The following CNTN4 variants were observed in gnomAD, a reference collection of about 807,000 sequenced individuals.
CNTN4 encodes the protein contactin 4.
In CNTN4, 77 loss-of-function variants were observed where a neutral mutation model predicts 122.5. The observed-to-expected ratio is 0.63, with a 90% confidence interval of 0.52 to 0.76. The LOEUF is 0.76. Among genes scored for constraint, CNTN4 ranks in the 30% least tolerant of loss-of-function variants. The pLI is 0.00. For missense variants in CNTN4, 1,256 were observed against 1,259.1 expected, an observed-to-expected ratio of 1.00 and a Z score of 0.04; for synonymous variants, 512 against 447.0, an observed-to-expected ratio of 1.15 and a Z score of -1.83.
At chr3:2,428,565 C>T (rs2047934119) in intron 3 of CNTN4, among the ~76,000 whole-genome samples, 1 of 152,136 alleles carries the variant, frequency 6.6e-6, no homozygotes, top group South Asian at 2.1e-4. Context: ...AGTTGCTCTT[C>T]TCGAGGAGTA....
intron 13 of CNTN4, among the ~76,000 whole-genome samples, chr3:2,987,197 C>A (rs1694657854): frequency 6.6e-6 from 1 of 152,124 alleles, no homozygotes. Flanking sequence ...GCCAGTGTGA[C>A]TAGAGTTCAT....
At chr3:2,658,587 G>C (rs1424666478) in intron 4 of CNTN4, among the ~76,000 whole-genome samples, 2 of 152,144 alleles carry the variant, frequency 1.3e-5, no homozygotes, top group African/African-American at 2.4e-5. Flanking sequence ...CTTCATATTT[G>C]TGAAGAATCA....
chr3:2,484,556 T>G (rs2076092125), intron 3 of CNTN4, among the ~76,000 whole-genome samples: 1 of 152,188 alleles, frequency 6.6e-6, no homozygotes, highest in African/African-American at 2.4e-5. Flanking sequence ...GGGATGAGGC[T>G]TGTAAACCAG....
intron 7 of CNTN4, among the ~76,000 whole-genome samples, chr3:2,862,853 G>T (rs1353200590): frequency 6.6e-6 from 1 of 152,068 alleles, no homozygotes; most frequent in African/African-American, 2.4e-5. Flanking sequence ...AACAGATTTT[G>T]GTTCTTAAGG....
intron 4 of CNTN4, among the ~76,000 whole-genome samples, chr3:2,695,361 C>A (rs1186904009): frequency 6.6e-6 from 1 of 152,196 alleles, no homozygotes; most frequent in Non-Finnish European, 1.5e-5. Context: ...CCAAGTAAAC[C>A]CCTCTTATGC....
chr3:2,492,335 G>T (rs561108835), intron 3 of CNTN4, among the ~76,000 whole-genome samples: 2 of 152,146 alleles, frequency 1.3e-5, no homozygotes, highest in African/African-American at 2.4e-5. Context: ...GTTTGCGATA[G>T]TGGGTCAGAT....
intron 13 of CNTN4, among the ~76,000 whole-genome samples, chr3:2,960,674 T>G (rs1386742127): frequency 6.6e-6 from 1 of 152,162 alleles, no homozygotes; most frequent in East Asian, 1.9e-4. Context: ...GACAACTTTC[T>G]CCTGACTTTA....
intron 5 of CNTN4, among the ~76,000 whole-genome samples, chr3:2,739,121 T>C (rs760786636): frequency 3.3e-5 from 5 of 151,988 alleles, no homozygotes; most frequent in Non-Finnish European, 7.4e-5. Flanking sequence ...AAACCAAAAA[T>C]TCAGTAAACA....
At chr3:2,521,351 A>ACCCCCCCCC (rs770856406) in intron 3 of CNTN4, among the ~76,000 whole-genome samples, 1 of 115,260 alleles carries the variant, frequency 8.7e-6, no homozygotes, top group African/African-American at 3.4e-5. Flanking sequence ...CATCCCCCCC[A>ACCCCCCCCC]CCCCCCGCAA....
intron 2 of CNTN4, among the ~76,000 whole-genome samples, chr3:2,318,775 G>C (rs1411078568): frequency 1.3e-5 from 2 of 152,072 alleles, no homozygotes; most frequent in Non-Finnish European, 1.5e-5. Flanking sequence ...AAGTATCTGG[G>C]ACTGCATGTG....
At chr3:2,558,471 C>T (rs36041497) in intron 3 of CNTN4, among the ~76,000 whole-genome samples, 10,651 of 151,896 alleles carry the variant, frequency 0.07, 481 homozygotes, top group Non-Finnish European at 0.097. Flanking sequence ...TTCTGATGTT[C>T]CCTCCTTTTT....
In CNTN4 at chr3:2,518,697, A is replaced by G. The variant is rs1038813599; in HGVS notation, c.-88-52719A>G. 2.0e-5 allele frequency among the ~76,000 whole-genome samples: 3 copies of G among 152,176 alleles called. No individual in the cohort carries two copies. The East Asian group carries it at 5.8e-4, about 29-fold the overall frequency. On this transcript the variant is annotated intron_variant, in intron 3 of 24. Transcript: ENST00000418658. ...TTTTACAGATAGAATTGTTTAGCCC[A>G]TGGCTAAATGGATAAACCTAAAAGT...
intron 3 of CNTN4, among the ~76,000 whole-genome samples, chr3:2,433,718 C>A (rs2151220792): frequency 6.6e-6 from 1 of 152,162 alleles, no homozygotes; most frequent in South Asian, 2.1e-4. Flanking sequence ...CGGAGCATTT[C>A]CTGTATGTTT....
Position 2,591,545 on chromosome 3 carries a change from T to C in CNTN4, c.55+19987T>C, listed in dbSNP as rs1278468900. Among the ~76,000 whole-genome samples, 3 of 82,686 alleles carry C rather than the reference T, an allele frequency of 3.6e-5. 1 individual carries two copies. Among genetic ancestry groups the C allele is most frequent in the Non-Finnish European group, 8.0e-5 (3 of 37,498 alleles). 54.2% of individuals were successfully genotyped at this position (82,686 alleles called of 152,430 possible). A position where few individuals can be genotyped will look rare whatever the true frequency, so the allele number is the denominator to read the frequency against. On this transcript the variant is annotated intron_variant, in intron 4 of 24. Transcript: ENST00000418658. Reference sequence around the variant, plus strand: ...ACGCCCGGCTAATTTTTTGTATTTTTAGTAGAGACGGGGTTTCACCGTTTT... The same window carrying C: ...ACGCCCGGCTAATTTTTTGTATTTTCAGTAGAGACGGGGTTTCACCGTTTT...
intron 2 of CNTN4, among the ~76,000 whole-genome samples, chr3:2,186,066 G>A (rs2037242873): frequency 6.6e-6 from 1 of 151,910 alleles, no homozygotes; most frequent in Admixed American, 6.6e-5. Flanking sequence ...GTCTTCTAAT[G>A]CTATCCCTCC....
chr3:2,162,452 C>T (rs2036007280), intron 2 of CNTN4, among the ~76,000 whole-genome samples: 2 of 152,032 alleles, frequency 1.3e-5, no homozygotes, highest in Admixed American at 6.5e-5. Context: ...TTTATTTCTC[C>T]CAGCTACCTA....
chr3:2,380,110 G>T (rs1481863024), intron 3 of CNTN4, among the ~76,000 whole-genome samples: 1 of 150,222 alleles, frequency 6.7e-6, no homozygotes, highest in Non-Finnish European at 1.5e-5. Context: ...ATTAGATACT[G>T]TGTCTCTTGG....
intron 4 of CNTN4, among the ~76,000 whole-genome samples, chr3:2,699,552 G>C (rs984458456): frequency 6.6e-6 from 1 of 152,178 alleles, no homozygotes; most frequent in East Asian, 1.9e-4. Flanking sequence ...CTGACATTTG[G>C]AGAATAACTC....
chr3:2,381,552 TATAAA>T (rs2046023337), intron 3 of CNTN4, among the ~76,000 whole-genome samples: 1 of 152,178 alleles, frequency 6.6e-6, no homozygotes, highest in South Asian at 2.1e-4. Context: ...AGTCAAAAGA[TATAAA>T]ATATGTAAAA....
Sources: allele counts gnomAD v4.1 joint callset (sites outside exome capture counted in the v4.1 genomes callset), GRCh38; gene constraint gnomAD v4.1.1; transcripts MANE v1.5; gene names NCBI Gene and HGNC (gene_info 2026-07-23, HGNC 2026-07-21).